MACC1: variants seen among roughly 807,000 people sequenced by gnomAD.
The protein encoded by MACC1 is MET transcriptional regulator MACC1, also known as metastasis-associated in colon cancer protein 1.
MACC1 carries 79 observed loss-of-function variants against 70.7 expected under a neutral mutation model. The observed-to-expected ratio is 1.12, with a 90% CI of 0.93 to 1.35. The LOEUF is 1.35. MACC1 is among the 40% of genes most tolerant of loss of function. The pLI is 0.00. For synonymous variants in MACC1, 361 were observed against 347.2 expected (o/e 1.04, Z -0.44); for missense variants, 1,106 against 978.1 (o/e 1.13, Z -1.74).
intron 6 of MACC1, among the ~76,000 whole-genome samples, chr7:20,146,793 C>T (rs1781898383): frequency 6.6e-6 from 1 of 152,150 alleles, no homozygotes; most frequent in African/African-American, 2.4e-5. Flanking sequence ...TTAAATTATT[C>T]TTAACCACAA....
intron 1 of MACC1, among the ~76,000 whole-genome samples, chr7:20,197,335 C>T (rs1275810333): frequency 6.6e-6 from 1 of 152,226 alleles, no homozygotes; most frequent in Non-Finnish European, 1.5e-5. Context: ...TCAACTGCTG[C>T]TGTGTTTGCC....
At chr7:20,190,151 C>T (rs1326430743) in intron 1 of MACC1, among the ~76,000 whole-genome samples, 5 of 152,100 alleles carry the variant, frequency 3.3e-5, no homozygotes, top group Non-Finnish European at 7.4e-5. Flanking sequence ...CCATTCAGTC[C>T]ACAATGGAAA....
At chr7:20,166,325 G>C (rs1261399330) in intron 2 of MACC1, among the ~76,000 whole-genome samples, 1 of 152,090 alleles carries the variant, frequency 6.6e-6, no homozygotes, top group African/African-American at 2.4e-5. Flanking sequence ...AAGTAACATT[G>C]TATTACTTGT....
In MACC1 at chr7:20,159,527, GCC is replaced by G; in HGVS notation, c.832_833del (p.Gly278GlnfsTer17). On this transcript the variant is annotated frameshift_variant, in exon 5 of 7. Coordinates refer to ENST00000400331, the MANE Select transcript of MACC1 (RefSeq NM_182762.4). LOFTEE classifies it high-confidence loss of function. ...AAAGGGCTTCCATTGTATTGAGGTT[GCC>G]TAACATGATTTCCAACAACGGGCTC... Reference protein sequence around the residue: ...TVSPLLEIMLGNLNTMEALLL... With the variant: ...TVSPLLEIMLXNLNTMEALLL... 1 of 1,614,110 alleles carries G rather than the reference GCC, an allele frequency of 6.2e-7. No homozygotes were observed. The highest frequency in any genetic ancestry group is 1.1e-5 in the South Asian group (1 of 91,080).
chr7:20,202,572 T>C (rs1197578493), intron 1 of MACC1, among the ~76,000 whole-genome samples: 3 of 152,226 alleles, frequency 2.0e-5, no homozygotes, highest in African/African-American at 7.2e-5. Flanking sequence ...ATAATTGTTA[T>C]TCCCTTTCCA....
At chr7:20,215,971 G>C (rs1202954035) in intron 1 of MACC1, among the ~76,000 whole-genome samples, 1 of 152,132 alleles carries the variant, frequency 6.6e-6, no homozygotes, top group Non-Finnish European at 1.5e-5. Context: ...TAAGCAAATT[G>C]TAACTAATAA....
chr7:20,162,195 T>C (rs1782148946), intron 3 of MACC1, among the ~76,000 whole-genome samples: 1 of 152,090 alleles, frequency 6.6e-6, no homozygotes, highest in Non-Finnish European at 1.5e-5. Flanking sequence ...TAAATAAACA[T>C]TTCCTGTTTG....
At chr7:20,186,665 GA>G (rs1201813036) in intron 1 of MACC1, among the ~76,000 whole-genome samples, 3 of 148,782 alleles carry the variant, frequency 2.0e-5, no homozygotes, top group African/African-American at 4.9e-5. Context: ...TAGTCTGTTT[GA>G]AAAAAAAAGG....
At position 20,137,223 on chromosome 7, in the gene MACC1, T is replaced by A. The variant is rs1450008972; in HGVS notation, c.*3723A>T. 6.6e-6 allele frequency: 1 copy of A among 152,232 alleles called. No homozygotes were observed. The highest frequency in any genetic ancestry group is 1.5e-5 in the Non-Finnish European group (1 of 68,032). 9.4% of individuals were successfully genotyped at this position (152,232 alleles called of 1,614,324 possible). Reference sequence around the variant, plus strand: ...GAGTGTATGCATGTTCTCTTTTGCATGTTCACATTACACATTCAAGGCTGA... The same window carrying A: ...GAGTGTATGCATGTTCTCTTTTGCAAGTTCACATTACACATTCAAGGCTGA... On this transcript the variant is annotated 3_prime_UTR_variant, in exon 7 of 7. Transcript: ENST00000400331.
intron 6 of MACC1, among the ~76,000 whole-genome samples, chr7:20,144,960 C>G (rs550721961): frequency 7.4e-4 from 113 of 152,240 alleles, no homozygotes; most frequent in South Asian, 1.5e-3. Flanking sequence ...TTGCAAAAGC[C>G]AAGAAGTATA....
At chr7:20,169,563 C>T (rs1782271148) in intron 2 of MACC1, among the ~76,000 whole-genome samples, 1 of 152,196 alleles carries the variant, frequency 6.6e-6, no homozygotes, top group African/African-American at 2.4e-5. Context: ...TCCACTGCTT[C>T]CTAGAACACT....
chr7:20,140,670 T>C lies in MACC1; in HGVS notation c.*276A>G. 6.1e-6 allele frequency: 2 copies of C among 325,446 alleles called. No homozygotes were observed. Among genetic ancestry groups the C allele is most frequent in the Non-Finnish European group, 1.1e-5 (2 of 181,024 alleles). 20.2% of individuals were successfully genotyped at this position (325,446 alleles called of 1,614,324 possible). On this transcript the variant is annotated 3_prime_UTR_variant, in exon 7 of 7. Coordinates refer to ENST00000400331, the MANE Select transcript of MACC1 (RefSeq NM_182762.4). Reference sequence around the variant, plus strand: ...CAGCCTAATACTTGTATTTGAAACATACACAAAAATACATATTTGAGGATA... The same window carrying C: ...CAGCCTAATACTTGTATTTGAAACACACACAAAAATACATATTTGAGGATA...
rs901461816 is a variant in MACC1 at position 20,134,928 on chromosome 7, C to T, written c.*6018G>A. On this transcript the variant is annotated 3_prime_UTR_variant, in exon 7 of 7. Transcript: ENST00000400331. ...AGTGAGATGGTTCAGCTTGCCACCT[C>T]TTCTCAGTCACCATCTCTTTAAATG... The T allele has an allele frequency of 2.0e-5, 3 of 152,208 alleles. No individual in the cohort carries two copies. The highest frequency in any genetic ancestry group is 4.4e-5 in the Non-Finnish European group (3 of 68,046). 9.4% of individuals were successfully genotyped at this position (152,208 alleles called of 1,614,324 possible).
At chr7:20,177,723 GTTT>G (rs758740704) in intron 1 of MACC1, among the ~76,000 whole-genome samples, 1 of 34,852 alleles carries the variant, frequency 2.9e-5, no homozygotes. Flanking sequence ...TGCCTTTGTT[GTTT>G]TTTTTTTTTT....
chr7:20,188,046 G>A (rs1562596768), intron 1 of MACC1, among the ~76,000 whole-genome samples: 1 of 152,174 alleles, frequency 6.6e-6, no homozygotes, highest in Non-Finnish European at 1.5e-5. Flanking sequence ...CATGATAGCA[G>A]TAAGGAGAAG....
chr7:20,208,614 G>A (rs980321139), intron 1 of MACC1, among the ~76,000 whole-genome samples: 32 of 152,150 alleles, frequency 2.1e-4, no homozygotes, highest in African/African-American at 6.0e-4. Flanking sequence ...AGAAAGCAAC[G>A]CATAAAAGTT....
Position 20,154,387 on chromosome 7 carries a change from G to A in MACC1, c.2158-6C>T, listed in dbSNP as rs1326626088. 6.2e-7 allele frequency: 1 copy of A among 1,611,036 alleles called. No individual in the cohort carries two copies. The highest frequency in any genetic ancestry group is 8.5e-7 in the Non-Finnish European group (1 of 1,178,164). ...CAATCCATTTTCAGAAGAGCCTGCA[G>A]CAACAATTACATGTCACAATTAAAA... On this transcript the variant is annotated splice_region_variant and splice_polypyrimidine_tract_variant and intron_variant, in intron 5 of 6. Transcript: ENST00000400331.
chr7:20,188,536 C>T (rs1227562737), intron 1 of MACC1, among the ~76,000 whole-genome samples: 6 of 152,138 alleles, frequency 3.9e-5, no homozygotes, highest in Admixed American at 3.9e-4. Context: ...TCAAACAAAC[C>T]TGTCTTTGCC....
In MACC1 at chr7:20,148,033, A is replaced by G. The variant is rs80047068; in HGVS notation, c.2346+6160T>C. Among the ~76,000 whole-genome samples the G allele has an allele frequency of 8.8e-4, 134 of 152,282 alleles. No individual in the cohort carries two copies. In the East Asian group the frequency reaches 0.024, roughly 27 times the overall value. On this transcript the variant is annotated intron_variant, in intron 6 of 6. Coordinates refer to ENST00000400331, the MANE Select transcript of MACC1 (RefSeq NM_182762.4). ...TTCAATGTAAACATTAAAACAAATG[A>G]AAAAATACAGTGTCAAGAGCTCTGG...
Sources: gnomAD v4.1 joint callset for allele counts (sites outside exome capture counted in the v4.1 genomes callset) on GRCh38, gnomAD v4.1.1 for gene constraint, MANE v1.5 for transcripts, NCBI Gene and HGNC (gene_info 2026-07-23, HGNC 2026-07-21) for gene names.